The following ZNF81 variants were observed in gnomAD, a reference collection of about 807,000 sequenced individuals.
ZNF81 encodes zinc finger protein 81, also known as zinc finger protein 81 (HFZ20).
A neutral mutation model predicts 32.3 loss-of-function variants in ZNF81; 5 were observed. The observed-to-expected ratio is 0.15, with a 90% CI of 0.08 to 0.33. The LOEUF (loss-of-function observed/expected upper bound fraction) is 0.33, where lower values mean the gene tolerates loss of function less well. Ranked by LOEUF, ZNF81 falls within the 10% of genes least tolerant of loss-of-function variation. The probability of loss-of-function intolerance (pLI) is 1.00; values close to 1 mark genes in which losing one functional copy is unlikely to be tolerated. For synonymous variants in ZNF81, 163 were observed against 166.8 expected, an observed-to-expected ratio of 0.98 and a Z score of 0.17; for missense variants, 379 against 479.8, an observed-to-expected ratio of 0.79 and a Z score of 1.96.
rs1424365062 is a variant in ZNF81, at chrX:47,922,273, T to G, written c.*5641T>G. 1 of 112,315 alleles carries G rather than the reference T, an allele frequency of 8.9e-6. No individual in the cohort carries two copies. Among genetic ancestry groups the G allele is most frequent in the East Asian group, 2.8e-4 (1 of 3,587 alleles). The allele number at this position is 112,315 out of a possible 1,213,427, so 9.3% of individuals were successfully genotyped here. A position where few individuals can be genotyped will look rare whatever the true frequency, so the allele number is the denominator to read the frequency against. ...TATAGACATACATACGTTCCCATGC[T>G]TGTAATCAGAAGTTATATAAGATTG... On this transcript the variant is annotated 3_prime_UTR_variant, in exon 5 of 5. Coordinates refer to ENST00000338637, the MANE Select transcript of ZNF81 (RefSeq NM_007137.5).
At chrX:47,883,645 A>AT (rs1204974075) in intron 2 of ZNF81, among the ~76,000 whole-genome samples, 1 of 111,255 alleles carries the variant, frequency 9.0e-6, no homozygotes, top group African/African-American at 3.3e-5. Context: ...TGTTAGGTTT[A>AT]TTTGGTCCTT....
Position 47,872,993 on chromosome X carries a change from G to A in ZNF81, c.55-15006G>A, listed in dbSNP as rs1429067436. 8.1e-5 allele frequency among the ~76,000 whole-genome samples: 9 copies of A among 111,329 alleles called. No individual in the cohort carries two copies. The Admixed American group carries it at 8.6e-4, about 11-fold the overall frequency. ...GCACGGTGTGAGATTGCTACCCTCT[G>A]CCATCCCCTTTTCTTTCTAAAGGCA... On this transcript the variant is annotated intron_variant, in intron 2 of 4. Coordinates refer to ENST00000338637, the MANE Select transcript of ZNF81 (RefSeq NM_007137.5).
intron 1 of ZNF81, among the ~76,000 whole-genome samples, chrX:47,838,620 T>C (rs1569370420): frequency 9.0e-6 from 1 of 111,425 alleles, no homozygotes. Flanking sequence ...GATTTTTGAA[T>C]ATTGAACTAG....
intron 4 of ZNF81, among the ~76,000 whole-genome samples, chrX:47,901,782 TAA>T (rs1556888030): frequency 1.9e-5 from 1 of 52,020 alleles, no homozygotes; most frequent in Non-Finnish European, 5.1e-5. Context: ...GGTTCCCTTA[TAA>T]TATCTTTGAT....
At chrX:47,871,641 C>T (rs1474694213) in intron 2 of ZNF81, among the ~76,000 whole-genome samples, 1 of 111,718 alleles carries the variant, frequency 9.0e-6, no homozygotes, top group Non-Finnish European at 1.9e-5. Context: ...TTGCATCTTC[C>T]AAGCACAAGA....
intron 1 of ZNF81, among the ~76,000 whole-genome samples, chrX:47,840,343 C>A (rs1252601067): frequency 1.4e-5 from 1 of 70,800 alleles, no homozygotes; most frequent in Non-Finnish European, 2.8e-5. Context: ...GAAGATGCAG[C>A]AAAGCAGGAC....
chrX:47,904,590 T>C (rs2058713099), intron 4 of ZNF81, among the ~76,000 whole-genome samples: 1 of 110,686 alleles, frequency 9.0e-6, no homozygotes, highest in Non-Finnish European at 1.9e-5. Flanking sequence ...TATGGAGAAA[T>C]AGGAACATTT....
At chrX:47,888,654 T>C (rs1394922514) in intron 3 of ZNF81, among the ~76,000 whole-genome samples, 1 of 111,268 alleles carries the variant, frequency 9.0e-6, no homozygotes, top group African/African-American at 3.3e-5. Context: ...AGGAAACTAA[T>C]ACAGAGTTTT....
In ZNF81 at chrX:47,916,818, GGA is replaced by G. The variant is rs1285311437; in HGVS notation, c.*193_*194del. 9 of 421,121 alleles carry G rather than the reference GGA, an allele frequency of 2.1e-5. No individual in the cohort carries two copies. The Admixed American group carries it at 4.2e-4, about 20-fold the overall frequency. 34.7% of individuals were successfully genotyped at this position (421,121 alleles called of 1,213,427 possible). ...GAAACTCTCTTAAAAATGCATTGAA[GGA>G]GAGAGAATTTGCACAGCCTCATGAA... On this transcript the variant is annotated 3_prime_UTR_variant, in exon 5 of 5. Coordinates refer to ENST00000338637, the MANE Select transcript of ZNF81 (RefSeq NM_007137.5).
chrX:47,878,382 T>A (rs2058607895), intron 2 of ZNF81, among the ~76,000 whole-genome samples: 1 of 111,897 alleles, frequency 8.9e-6, no homozygotes, highest in Admixed American at 9.4e-5. Context: ...AGTAAGCAAG[T>A]CTTCCCATTT....
chrX:47,889,306 G>T (rs1428854220), intron 3 of ZNF81, among the ~76,000 whole-genome samples: 2 of 112,403 alleles, frequency 1.8e-5, no homozygotes, highest in African/African-American at 6.5e-5. Flanking sequence ...AAGGAAGGCT[G>T]TTGGACTTCT....
Position 47,879,085 on chromosome X carries a change from T to C in ZNF81, c.55-8914T>C, listed in dbSNP as rs782797789. The stretch of plus-strand genomic sequence containing the variant: ...TCTTTTAAGGATCCTTGTGGCTACA[T>C]TGGCCCCACCTAGATGATACATGAT... On this transcript the variant is annotated intron_variant, in intron 2 of 4. Coordinates refer to ENST00000338637, the MANE Select transcript of ZNF81 (RefSeq NM_007137.5). Among the ~76,000 whole-genome samples, 6 of 111,789 alleles carry C rather than the reference T, an allele frequency of 5.4e-5. No homozygotes were observed. In the South Asian group the frequency reaches 2.3e-3, roughly 43 times the overall value.
rs1257384919 is a variant in ZNF81, at chrX:47,918,878, T to G, written c.*2246T>G. On this transcript the variant is annotated 3_prime_UTR_variant, in exon 5 of 5. Transcript: ENST00000338637. Reference sequence around the variant, plus strand: ...TCGTTATGGAACAGTGACTGATATGTGCCTCATGGTCCTCCTCTTTTTGAA... The same window carrying G: ...TCGTTATGGAACAGTGACTGATATGGGCCTCATGGTCCTCCTCTTTTTGAA... 4.2e-5 allele frequency: 6 copies of G among 142,705 alleles called. No homozygotes were observed. In the East Asian group the frequency reaches 1.1e-3, roughly 27 times the overall value. 11.8% of individuals were successfully genotyped at this position (142,705 alleles called of 1,213,427 possible).
chrX:47,885,848 A>C (rs782047022), intron 2 of ZNF81, among the ~76,000 whole-genome samples: 1 of 111,953 alleles, frequency 8.9e-6, no homozygotes, highest in Non-Finnish European at 1.9e-5. Context: ...ACAAACATTG[A>C]AACCATAGCA....
intron 2 of ZNF81, among the ~76,000 whole-genome samples, chrX:47,867,736 A>G (rs2058565428): frequency 9.0e-6 from 1 of 110,973 alleles, no homozygotes; most frequent in Non-Finnish European, 1.9e-5. Context: ...TTACTTTTAC[A>G]GATTGCTGGT....
chrX:47,896,246 TC>T (rs1374200764), intron 4 of ZNF81, among the ~76,000 whole-genome samples: 1 of 111,690 alleles, frequency 9.0e-6, no homozygotes, highest in African/African-American at 3.3e-5. Flanking sequence ...CTTCCTTCAG[TC>T]CCATTTTTAT....
intron 4 of ZNF81, among the ~76,000 whole-genome samples, chrX:47,898,778 TAGGAAA>T (rs782311429): frequency 8.9e-6 from 1 of 112,213 alleles, no homozygotes; most frequent in South Asian, 3.7e-4. Context: ...ATAGAGGTCA[TAGGAAA>T]CCTTCATTAA....
chrX:47,841,706 T>C, intron 1 of ZNF81: 1 of 605,920 alleles, frequency 1.7e-6, no homozygotes, highest in Non-Finnish European at 2.6e-6. Flanking sequence ...CTGCCATCTT[T>C]CTAGTCGTGT....
chrX:47,853,379 A>T (rs1253563379), intron 2 of ZNF81, among the ~76,000 whole-genome samples: 1 of 110,655 alleles, frequency 9.0e-6, no homozygotes, highest in Non-Finnish European at 1.9e-5. Flanking sequence ...ACAGGGTTTC[A>T]CCATGTTGGC....
Sources: allele counts gnomAD v4.1 joint callset (sites outside exome capture counted in the v4.1 genomes callset), GRCh38; gene constraint gnomAD v4.1.1; transcripts MANE v1.5; gene names NCBI Gene and HGNC (gene_info 2026-07-23, HGNC 2026-07-21).